Variants in ARHGEF10 observed in about 807,000 individuals in gnomAD.
The protein encoded by ARHGEF10 is Rho guanine nucleotide exchange factor (GEF) 10.
In ARHGEF10, 140 loss-of-function variants were observed where a neutral mutation model predicts 147.4. The observed-to-expected ratio is 0.95, with a 90% CI of 0.83 to 1.09. ARHGEF10 has a LOEUF of 1.09. Among genes scored for constraint, ARHGEF10 ranks in the 50% least tolerant of loss-of-function variants. The pLI is 0.00. For missense variants in ARHGEF10, 2,222 were observed against 1,752.7 expected (o/e 1.27, Z -4.78); for synonymous variants, 902 against 695.8 (o/e 1.30, Z -4.67).
chr8:1,956,834 C>A lies in ARHGEF10; in HGVS notation c.3606C>A (p.Asp1202Glu), dbSNP rs1429492085. Residue 1202 changes from aspartate to glutamate, a missense_variant, in exon 29 of 29, where the codon GAC (aspartate) becomes GAA (glutamate). Asp to Glu is a conservative substitution (Grantham distance 45). Transcript: ENST00000349830. ...CGGCTCTGCACGAGAAAGACAAGGACAAATCCAGGGACAGCCTGGCTCCTG... is the reference window on the plus strand; with the variant it reads ...CGGCTCTGCACGAGAAAGACAAGGAAAAATCCAGGGACAGCCTGGCTCCTG... ...LATALHEKDKDKSRDSLAPGP... is the reference protein window; with the variant it reads ...LATALHEKDKEKSRDSLAPGP... 6.2e-7 allele frequency: 1 copy of A among 1,614,070 alleles called. No individual in the cohort carries two copies. Among genetic ancestry groups the A allele is most frequent in the Non-Finnish European group, 8.5e-7 (1 of 1,180,038 alleles).
At chr8:1,842,465 G>A (rs1026715458) in intron 1 of ARHGEF10, among the ~76,000 whole-genome samples, 1 of 152,210 alleles carries the variant, frequency 6.6e-6, no homozygotes, top group East Asian at 1.9e-4. Context: ...TGAGGCCGGT[G>A]ACCACCCTGG....
rs1211872498 is a variant in ARHGEF10, at chr8:1,824,008, C to T, written c.-153C>T. ...CGGGGGACGCGGGGGACGCGGGGGA[C>T]GGCGGGGAACGGCGGGGGACGGCGG... On this transcript the variant is annotated 5_prime_UTR_variant, in exon 1 of 29. In the 5' UTR this introduces an upstream ATG that the reference lacks. Coordinates refer to ENST00000349830, the MANE Select transcript of ARHGEF10 (RefSeq NM_014629.4). 1 of 69,468 alleles carries T rather than the reference C, an allele frequency of 1.4e-5. No homozygotes were observed. The highest frequency in any genetic ancestry group is 1.8e-4 in the Admixed American group (1 of 5,698). The allele number at this position is 69,468 out of a possible 1,614,324, so 4.3% of individuals were successfully genotyped here.
intron 2 of ARHGEF10, among the ~76,000 whole-genome samples, chr8:1,853,565 G>A (rs972023596): frequency 2.6e-5 from 4 of 152,246 alleles, no homozygotes; most frequent in African/African-American, 9.6e-5. Context: ...TTGAGAAGCG[G>A]GAATTCCTTC....
intron 10 of ARHGEF10, among the ~76,000 whole-genome samples, chr8:1,884,542 G>A (rs1808494701): frequency 6.6e-6 from 1 of 152,156 alleles, no homozygotes; most frequent in South Asian, 2.1e-4. Context: ...CTGGTGCCAG[G>A]CCCTCCTTCC....
At chr8:1,906,573 C>T (rs1810911714) in intron 17 of ARHGEF10, among the ~76,000 whole-genome samples, 1 of 152,222 alleles carries the variant, frequency 6.6e-6, no homozygotes, top group Non-Finnish European at 1.5e-5. Flanking sequence ...GCCTGCCCTC[C>T]TCACCTTGCC....
chr8:1,910,607 G>C (rs947322499), intron 18 of ARHGEF10, among the ~76,000 whole-genome samples: 2 of 152,182 alleles, frequency 1.3e-5, no homozygotes, highest in East Asian at 3.9e-4. Flanking sequence ...TGGAGAGCGA[G>C]AGGGAGGAGC....
chr8:1,936,509 C>CA lies in ARHGEF10; in HGVS notation c.3222+2577dup, dbSNP rs1012224270. On this transcript the variant is annotated intron_variant, in intron 26 of 28. Coordinates refer to ENST00000349830, the MANE Select transcript of ARHGEF10 (RefSeq NM_014629.4). ...TGGGCAACAGAGTAAGACCCTGTCT[C>CA]AAAAAAAAAATTCCTTTGACCCTCA... 1.7e-3 allele frequency among the ~76,000 whole-genome samples: 258 copies of CA among 149,608 alleles called. 2 individuals are homozygous for CA. The highest frequency in any genetic ancestry group is 5.9e-3 in the African/African-American group (242 of 40,884).
intron 1 of ARHGEF10, among the ~76,000 whole-genome samples, chr8:1,832,521 G>C (rs1225456407): frequency 1.7e-5 from 2 of 116,750 alleles, no homozygotes; most frequent in Non-Finnish European, 3.7e-5. Flanking sequence ...GACAGAGACA[G>C]AGGTAGAGAG....
At chr8:1,838,151 G>C (rs1803702354) in intron 1 of ARHGEF10, among the ~76,000 whole-genome samples, 1 of 152,190 alleles carries the variant, frequency 6.6e-6, no homozygotes, top group South Asian at 2.1e-4. Context: ...ATCCACCGGG[G>C]GTGCCGGGGG....
chr8:1,913,497 T>C (rs527696596), intron 18 of ARHGEF10, among the ~76,000 whole-genome samples: 11 of 152,232 alleles, frequency 7.2e-5, no homozygotes, highest in Non-Finnish European at 1.2e-4. Context: ...TAAAAATGAA[T>C]GAAGGTAAAA....
At chr8:1,898,633 C>G in intron 15 of ARHGEF10, 108 bp downstream of exon 15, 2 of 1,073,010 alleles carry the variant, frequency 1.9e-6, no homozygotes, top group Non-Finnish European at 2.8e-6. Context: ...CTCGGGCCTC[C>G]TCATCTCCTC....
At chr8:1,854,213 C>G (rs1056200439) in intron 2 of ARHGEF10, among the ~76,000 whole-genome samples, 3 of 152,186 alleles carry the variant, frequency 2.0e-5, no homozygotes, top group Non-Finnish European at 4.4e-5. Context: ...CCTTGAACGC[C>G]CGGCCCCATG....
chr8:1,864,883 C>A (rs2129084688), intron 5 of ARHGEF10, among the ~76,000 whole-genome samples: 1 of 152,276 alleles, frequency 6.6e-6, no homozygotes, highest in East Asian at 1.9e-4. Context: ...CCACGGTTCT[C>A]CATTAGAAAT....
intron 18 of ARHGEF10, among the ~76,000 whole-genome samples, chr8:1,916,727 T>C (rs1378260514): frequency 6.6e-6 from 1 of 152,226 alleles, no homozygotes; most frequent in Non-Finnish European, 1.5e-5. Flanking sequence ...GTGCCTCTTA[T>C]CAGACTAGGG....
chr8:1,846,958 T>A (rs564444228), intron 2 of ARHGEF10, among the ~76,000 whole-genome samples: 1 of 152,330 alleles, frequency 6.6e-6, no homozygotes, highest in Non-Finnish European at 1.5e-5. Context: ...CTGCTCGTTT[T>A]TCGTAAGTGT....
chr8:1,952,777 T>C lies in ARHGEF10; in HGVS notation c.3470T>C (p.Val1157Ala). 1 of 1,613,534 alleles carries C rather than the reference T, an allele frequency of 6.2e-7. No individual in the cohort carries two copies. Among genetic ancestry groups the C allele is most frequent in the Non-Finnish European group, 8.5e-7 (1 of 1,180,028 alleles). ...CTGATGGTCGGCACCAGCCTGGGAG[T>C]CCTCGTGGCCCTGCCGGTCCCACGT... is the stretch of plus-strand genomic sequence containing the variant. ...GLLMVGTSLG[V>A]LVALPVPRLQ... Residue 1157 changes from valine (V) to alanine (A), a missense_variant, in exon 28 of 29, where the codon GTC (valine) becomes GCC (alanine). By Grantham distance (64) the Val-to-Ala change is moderately conservative. Coordinates refer to ENST00000349830, the MANE Select transcript of ARHGEF10 (RefSeq NM_014629.4).
intron 18 of ARHGEF10, among the ~76,000 whole-genome samples, chr8:1,919,627 A>ATGGGTGAT (rs1812069803): frequency 7.4e-6 from 1 of 134,842 alleles, no homozygotes; most frequent in African/African-American, 2.9e-5. Context: ...GTCAAGTGAC[A>ATGGGTGAT]GAGCTGTTCT....
intron 2 of ARHGEF10, among the ~76,000 whole-genome samples, chr8:1,850,805 C>T (rs148322481): frequency 6.6e-6 from 1 of 152,218 alleles, no homozygotes; most frequent in African/African-American, 2.4e-5. Flanking sequence ...CCATGATGTC[C>T]TTCAGGAGGT....
chr8:1,903,191 C>G (rs1439602653), intron 15 of ARHGEF10, 90 bp from the exon 16 acceptor site: 1 of 1,515,346 alleles, frequency 6.6e-7, no homozygotes, highest in Non-Finnish European at 9.2e-7. Context: ...CCACTGCCTC[C>G]TTTCCATTGT....
Sources: gnomAD v4.1 joint callset for allele counts (sites outside exome capture counted in the v4.1 genomes callset) on GRCh38, gnomAD v4.1.1 for gene constraint, MANE v1.5 for transcripts, NCBI Gene and HGNC (gene_info 2026-07-23, HGNC 2026-07-21) for gene names.